Variants in FNBP1 observed in about 807,000 individuals in gnomAD.
FNBP1 encodes formin binding protein 1.
A neutral mutation model predicts 90.6 loss-of-function variants in FNBP1; 26 were observed. The observed-to-expected ratio is 0.29, with a 90% CI of 0.21 to 0.40. The LOEUF is 0.40. Among genes scored for constraint, FNBP1 ranks in the 10% least tolerant of loss-of-function variants. FNBP1 has a pLI of 1.00. For synonymous variants in FNBP1, 260 were observed against 265.2 expected (o/e 0.98, Z 0.19); for missense variants, 635 against 768.0 (o/e 0.83, Z 2.05).
At chr9:129,919,959 C>T (rs2040842843) in intron 10 of FNBP1, among the ~76,000 whole-genome samples, 1 of 152,170 alleles carries the variant, frequency 6.6e-6, no homozygotes, top group South Asian at 2.1e-4. Flanking sequence ...ATCTATTTCT[C>T]CAAACTTTAG....
intron 6 of FNBP1, among the ~76,000 whole-genome samples, chr9:129,952,865 C>T (rs990319810): frequency 6.6e-6 from 1 of 152,146 alleles, no homozygotes; most frequent in Non-Finnish European, 1.5e-5. Context: ...TGGTTTTGTG[C>T]ACCTTTTACA....
At chr9:130,030,211 G>A (rs1470216727) in intron 1 of FNBP1, among the ~76,000 whole-genome samples, 1 of 152,108 alleles carries the variant, frequency 6.6e-6, no homozygotes, top group Non-Finnish European at 1.5e-5. Flanking sequence ...AAGGTGGGTG[G>A]ATCACTTGAG....
At chr9:129,893,914 C>A (rs1299510180) in intron 16 of FNBP1, among the ~76,000 whole-genome samples, 68 of 115,812 alleles carry the variant, frequency 5.9e-4, no homozygotes, top group Non-Finnish European at 6.9e-4. Context: ...GACTCCATCT[C>A]AAAAAAAAAA....
intron 1 of FNBP1, among the ~76,000 whole-genome samples, chr9:130,040,085 CT>C (rs1419113059): frequency 1.3e-5 from 2 of 152,204 alleles, no homozygotes; most frequent in Non-Finnish European, 2.9e-5. Flanking sequence ...CTCCGCTGGG[CT>C]ACCCAATGTA....
At chr9:130,026,677 G>T (rs1169487483) in intron 1 of FNBP1, among the ~76,000 whole-genome samples, 2 of 152,006 alleles carry the variant, frequency 1.3e-5, no homozygotes, top group Non-Finnish European at 1.5e-5. Context: ...TGTGGGTCAG[G>T]TGCAGTGGCT....
chr9:129,922,071 A>AG (rs1219942914), intron 10 of FNBP1, among the ~76,000 whole-genome samples: 1 of 152,200 alleles, frequency 6.6e-6, no homozygotes, highest in East Asian at 1.9e-4. Flanking sequence ...AAAAAAAAAA[A>AG]AAAGGAGAAA....
At chr9:130,003,398 G>A (rs886652243) in intron 1 of FNBP1, among the ~76,000 whole-genome samples, 12 of 152,086 alleles carry the variant, frequency 7.9e-5, no homozygotes, top group Non-Finnish European at 1.5e-5. Context: ...TAGGTCAGAA[G>A]TTTGAGACCT....
In FNBP1 at chr9:129,889,307, C is replaced by G. The variant is rs1035831344; in HGVS notation, c.*1232G>C. 1.1e-4 allele frequency: 20 copies of G among 184,310 alleles called. No homozygotes were observed. Among genetic ancestry groups the G allele is most frequent in the Admixed American group, 8.1e-4 (13 of 15,968 alleles). 11.4% of individuals were successfully genotyped at this position (184,310 alleles called of 1,614,324 possible). On this transcript the variant is annotated 3_prime_UTR_variant, in exon 17 of 17. Coordinates refer to ENST00000446176, the MANE Select transcript of FNBP1 (RefSeq NM_015033.3). ...AACCTCGGCGGGGTGCGGTAGCTCACACCTGTAATCTCAGCACTTTGGGAG... is the reference window on the plus strand; with the variant it reads ...AACCTCGGCGGGGTGCGGTAGCTCAGACCTGTAATCTCAGCACTTTGGGAG...
At chr9:129,929,395 G>C (rs1283573377) in intron 7 of FNBP1, among the ~76,000 whole-genome samples, 172 bp downstream of exon 7, 1 of 84,320 alleles carries the variant, frequency 1.2e-5, no homozygotes, top group East Asian at 3.8e-4. Flanking sequence ...GGGTGACAAA[G>C]CAAGACTCTG....
intron 1 of FNBP1, among the ~76,000 whole-genome samples, chr9:130,014,280 C>A (rs951061782): frequency 1.1e-4 from 16 of 143,878 alleles, no homozygotes; most frequent in African/African-American, 3.9e-4. Flanking sequence ...GAGACGGAGT[C>A]TTGCTGTGCC....
At chr9:130,047,677 G>C (rs1187707300), upstream of FNBP1, among the ~76,000 whole-genome samples, 4 of 151,942 alleles carry the variant, frequency 2.6e-5, no homozygotes, top group Non-Finnish European at 5.9e-5. Context: ...CTCTCAGTGG[G>C]GGACTCAAAC....
chr9:129,921,656 G>A (rs921223394), intron 10 of FNBP1, among the ~76,000 whole-genome samples: 12 of 152,074 alleles, frequency 7.9e-5, no homozygotes, highest in African/African-American at 1.7e-4. Context: ...CAGGTGATCC[G>A]CCCTCCTCGG....
At chr9:129,935,328 CA>C (rs996982062) in intron 6 of FNBP1, among the ~76,000 whole-genome samples, 5 of 151,744 alleles carry the variant, frequency 3.3e-5, no homozygotes, top group Admixed American at 3.3e-4. Context: ...CTTAATATTT[CA>C]AAATATTAAG....
chr9:129,948,581 C>A (rs1297464195), intron 6 of FNBP1, among the ~76,000 whole-genome samples: 1 of 151,576 alleles, frequency 6.6e-6, no homozygotes, highest in Non-Finnish European at 1.5e-5. Context: ...TTGCTCTTGT[C>A]CCCCAGGCTG....
chr9:129,892,342 C>G (rs2035180807), intron 16 of FNBP1, among the ~76,000 whole-genome samples: 1 of 145,974 alleles, frequency 6.9e-6, no homozygotes, highest in African/African-American at 2.6e-5. Flanking sequence ...AATATTTTGG[C>G]AATTATTAAA....
intron 10 of FNBP1, among the ~76,000 whole-genome samples, chr9:129,916,658 C>T (rs1247608772): frequency 1.3e-5 from 2 of 151,534 alleles, no homozygotes; most frequent in African/African-American, 2.4e-5. Flanking sequence ...AATCACACAA[C>T]CTTTTGTTCT....
rs116475182 is a variant in FNBP1, at chr9:129,984,504, C to T, written c.141-5130G>A. On this transcript the variant is annotated intron_variant, in intron 2 of 16. Transcript: ENST00000446176. ...TGACAGAAAAATTCTGAGAGGAAGA[C>T]ATCTATGCTGACCACCCAAGGCCTT... Among the ~76,000 whole-genome samples, 382 of 152,280 alleles carry T rather than the reference C, an allele frequency of 2.5e-3. 2 individuals are homozygous for T. The highest frequency in any genetic ancestry group is 8.9e-3 in the African/African-American group (370 of 41,564).
In FNBP1 at chr9:129,957,300, AGTGCTGGGATTACAGGCGTGAGCCACC is replaced by A; in HGVS notation, c.513+33_513+59del. 3.3e-6 allele frequency: 4 copies of A among 1,217,840 alleles called. No individual in the cohort carries two copies. The allele number at this position is 1,217,840 out of a possible 1,614,324, so 75.4% of individuals were successfully genotyped here. A position where few individuals can be genotyped will look rare whatever the true frequency, so the allele number is the denominator to read the frequency against. ...TGATCCGCTCACCTCAGCCTCCCAA[AGTGCTGGGATTACAGGCGTGAGCCACC>A]GTGCCCGGCCCACACTTGAGCTTTC... On this transcript the variant is annotated intron_variant, in intron 6 of 16. Transcript: ENST00000446176. The surrounding 1 kb of genome is among the most constrained non-coding windows in gnomAD (Gnocchi z 4.3).
intron 4 of FNBP1, among the ~76,000 whole-genome samples, chr9:129,959,644 G>A (rs779060436): frequency 6.6e-6 from 1 of 152,174 alleles, no homozygotes; most frequent in East Asian, 1.9e-4. Context: ...TTGGAAAAAC[G>A]ACAGGAATGT....
Sources: gnomAD v4.1 joint callset for allele counts (sites outside exome capture counted in the v4.1 genomes callset) on GRCh38, gnomAD v4.1.1 for gene constraint, Gnocchi (gnomAD v3.1) non-coding constraint, MANE v1.5 for transcripts, NCBI Gene and HGNC (gene_info 2026-07-23, HGNC 2026-07-21) for gene names.